The following TBC1D12 variants were observed in gnomAD, a reference collection of about 807,000 sequenced individuals.
TBC1D12 encodes the protein TBC1 domain family, member 12.
A neutral mutation model predicts 86.7 loss-of-function variants in TBC1D12; 56 were observed. That is an observed-to-expected ratio of 0.65 (90% CI 0.52 to 0.81). The LOEUF (loss-of-function observed/expected upper bound fraction) is 0.81. Among genes scored for constraint, TBC1D12 ranks in the 30% least tolerant of loss-of-function variants. The pLI is 0.00. For missense variants in TBC1D12, 1,023 were observed against 1,038.8 expected (o/e 0.98, Z 0.21); for synonymous variants, 421 against 411.7 (o/e 1.02, Z -0.27).
chr10:94,495,994 T>TA (rs2056315627), intron 4 of TBC1D12, among the ~76,000 whole-genome samples: 5 of 151,958 alleles, frequency 3.3e-5, no homozygotes, highest in Non-Finnish European at 7.4e-5. Context: ...TGCCAGCTAC[T>TA]GGAGAGGCTG....
At position 94,507,260 on chromosome 10, in the gene TBC1D12, C is replaced by T. The variant is rs952933336; in HGVS notation, c.1520-7C>T. On this transcript the variant is annotated splice_region_variant and splice_polypyrimidine_tract_variant and intron_variant, in intron 6 of 12. Transcript: ENST00000225235. ...TCATACATTTTTGTTCTCCCCCCAACCCCCAGAACTTTATGAAATCTTCCT... is the reference window on the plus strand; with the variant it reads ...TCATACATTTTTGTTCTCCCCCCAATCCCCAGAACTTTATGAAATCTTCCT... 6.2e-7 allele frequency: 1 copy of T among 1,601,574 alleles called. No individual in the cohort carries two copies. The highest frequency in any genetic ancestry group is 1.8e-5 in the Admixed American group (1 of 55,846).
chr10:94,411,727 G>T (rs1255420211), intron 1 of TBC1D12, among the ~76,000 whole-genome samples: 1 of 152,192 alleles, frequency 6.6e-6, no homozygotes, highest in African/African-American at 2.4e-5. Flanking sequence ...CGGAGCCCAA[G>T]GTGGGGGGAC....
intron 3 of TBC1D12, among the ~76,000 whole-genome samples, chr10:94,488,386 C>CTTTTTTTT (rs770258959): frequency 1.1e-4 from 8 of 74,808 alleles, no homozygotes; most frequent in Non-Finnish European, 1.5e-4. Flanking sequence ...CCCAAGGGGT[C>CTTTTTTTT]TTTTTTTTTT....
chr10:94,531,799 TTTATG>T (rs1427649233), intron 12 of TBC1D12, among the ~76,000 whole-genome samples: 7 of 145,930 alleles, frequency 4.8e-5, no homozygotes, highest in African/African-American at 9.9e-5. Context: ...GTTATTTTAT[TTTATG>T]TTATTTTATT....
At chr10:94,523,307 A>G (rs951408951) in intron 11 of TBC1D12, among the ~76,000 whole-genome samples, 14 of 148,358 alleles carry the variant, frequency 9.4e-5, no homozygotes, top group Non-Finnish European at 2.1e-4. Flanking sequence ...CTTTATCTTG[A>G]GTTGTAGCGA....
At chr10:94,407,340 C>T (rs2054868420) in intron 1 of TBC1D12, among the ~76,000 whole-genome samples, 1 of 152,186 alleles carries the variant, frequency 6.6e-6, no homozygotes. Context: ...GCTGTCAGAG[C>T]CCTAAAAGTA....
At chr10:94,501,237 T>A (rs917088037) in intron 6 of TBC1D12, among the ~76,000 whole-genome samples, 5 of 151,998 alleles carry the variant, frequency 3.3e-5, no homozygotes, top group African/African-American at 1.2e-4. Flanking sequence ...TTGCCTGAGC[T>A]CAGGATTTCG....
At chr10:94,518,566 T>A (rs1451484325) in intron 9 of TBC1D12, among the ~76,000 whole-genome samples, 1 of 152,238 alleles carries the variant, frequency 6.6e-6, no homozygotes, top group African/African-American at 2.4e-5. Context: ...TTTTTCATGA[T>A]TAGATTCAGG....
At chr10:94,481,773 G>C (rs990681311) in intron 3 of TBC1D12, among the ~76,000 whole-genome samples, 2 of 146,844 alleles carry the variant, frequency 1.4e-5, no homozygotes, top group African/African-American at 2.5e-5. Flanking sequence ...AAGAGGCCAA[G>C]TTTTGGCCTA....
intron 2 of TBC1D12, among the ~76,000 whole-genome samples, chr10:94,454,503 G>A (rs894480838): frequency 6.6e-6 from 1 of 152,130 alleles, no homozygotes; most frequent in African/African-American, 2.4e-5. Context: ...GAGCCACTGC[G>A]CCCGGCGAGT....
intron 8 of TBC1D12, among the ~76,000 whole-genome samples, chr10:94,511,095 CTTTTTTTTTTTT>C (rs3053917): frequency 3.0e-5 from 2 of 66,828 alleles, no homozygotes; most frequent in Non-Finnish European, 5.5e-5. Flanking sequence ...GTAAATATTT[CTTTTTTTTTTTT>C]TTTTTTTTTT....
chr10:94,466,565 A>T (rs1216641916), intron 2 of TBC1D12, among the ~76,000 whole-genome samples: 2 of 152,122 alleles, frequency 1.3e-5, no homozygotes, highest in Non-Finnish European at 2.9e-5. Flanking sequence ...GGCACACTTC[A>T]TCCTTTTTTG....
chr10:94,428,282 CTTT>C (rs894535771), intron 1 of TBC1D12, among the ~76,000 whole-genome samples: 6 of 99,908 alleles, frequency 6.0e-5, no homozygotes, highest in Admixed American at 2.2e-4. Context: ...TTTGGAACTT[CTTT>C]TTTTTTTTTT....
chr10:94,507,374 T>C, intron 7 of TBC1D12, 27 bp downstream of exon 7: 1 of 1,566,734 alleles, frequency 6.4e-7, no homozygotes, highest in Non-Finnish European at 8.7e-7. Context: ...TAAATAAGAA[T>C]TTTAGGATGA....
Position 94,510,116 on chromosome 10 carries a change from C to A in TBC1D12, c.1626C>A (p.Ala542=), listed in dbSNP as rs187502746. 22 of 1,609,388 alleles carry A rather than the reference C, an allele frequency of 1.4e-5. No individual in the cohort carries two copies. The East Asian group carries it at 4.9e-4, about 36-fold the overall frequency. Reference sequence around the variant, plus strand: ...GTGTATCTGTTGCTGATCGAGAGGCCAGTCTGGAATTAATTAAGTTGGACA... The same window carrying A: ...GTGTATCTGTTGCTGATCGAGAGGCAAGTCTGGAATTAATTAAGTTGGACA... ...TEGVSVADRE[A]SLELIKLDIS... is the part of the protein sequence containing the mutation. Residue 542 remains alanine (A), a synonymous_variant, in exon 8 of 13, where the codon GCC becomes GCA. Transcript: ENST00000225235.
Position 94,451,693 on chromosome 10 carries a change from A to T in TBC1D12, c.1095+9674A>T, listed in dbSNP as rs563340315. Among the ~76,000 whole-genome samples the T allele has an allele frequency of 2.6e-5, 4 of 152,256 alleles. No homozygotes were observed. In the East Asian group the frequency reaches 7.7e-4, roughly 29 times the overall value. The stretch of plus-strand genomic sequence containing the variant: ...GCTTATATCAAATATTATTTCTGCT[A>T]GTTTTTGCTAACAGGTGATATCTTA... On this transcript the variant is annotated intron_variant, in intron 2 of 12. Coordinates refer to ENST00000225235, the MANE Select transcript of TBC1D12 (RefSeq NM_015188.2).
chr10:94,463,396 G>A (rs2055758292), intron 2 of TBC1D12, among the ~76,000 whole-genome samples: 1 of 152,140 alleles, frequency 6.6e-6, no homozygotes, highest in Non-Finnish European at 1.5e-5. Flanking sequence ...GGCAATGCAG[G>A]GCGTCATGTG....
rs150975790 is a variant in TBC1D12 at position 94,458,953 on chromosome 10, A to T, written c.1096-15715A>T. ...CAAGATTTATTGCGAAGAGTGAAAAAACAAAGCTTCCACAGCGTGGAAGGG... is the reference window on the plus strand; with the variant it reads ...CAAGATTTATTGCGAAGAGTGAAAATACAAAGCTTCCACAGCGTGGAAGGG... On this transcript the variant is annotated intron_variant, in intron 2 of 12. Coordinates refer to ENST00000225235, the MANE Select transcript of TBC1D12 (RefSeq NM_015188.2). Among the ~76,000 whole-genome samples the T allele has an allele frequency of 4.5e-3, 682 of 152,194 alleles. 6 individuals carry two copies. The highest frequency in any genetic ancestry group is 0.015 in the African/African-American group (633 of 41,524).
At chr10:94,456,729 C>G (rs2134113640) in intron 2 of TBC1D12, among the ~76,000 whole-genome samples, 2 of 152,330 alleles carry the variant, frequency 1.3e-5, no homozygotes, top group African/African-American at 4.8e-5. Flanking sequence ...TACTGATTTT[C>G]TGACTGCTGG....
Sources: allele counts gnomAD v4.1 joint callset (sites outside exome capture counted in the v4.1 genomes callset), GRCh38; gene constraint gnomAD v4.1.1; transcripts MANE v1.5; gene names NCBI Gene and HGNC (gene_info 2026-07-23, HGNC 2026-07-21).